MYO9A: variants seen among roughly 807,000 people sequenced by gnomAD.
The protein encoded by MYO9A is myosin IXA.
MYO9A carries 103 observed loss-of-function variants against 293.3 expected under a neutral mutation model. The observed-to-expected ratio is 0.35, with a 90% CI of 0.30 to 0.41. The LOEUF (loss-of-function observed/expected upper bound fraction) is 0.41, where lower values mean the gene tolerates loss of function less well. MYO9A is among the 10% of genes least tolerant of loss of function. MYO9A has a pLI of 1.00. For synonymous variants in MYO9A, 1,001 were observed against 1,035.7 expected (o/e 0.97, Z 0.64); for missense variants, 2,685 against 3,033.0 (o/e 0.89, Z 2.69).
chr15:72,026,070 G>A (rs1461876279), intron 4 of MYO9A, among the ~76,000 whole-genome samples: 2 of 151,618 alleles, frequency 1.3e-5, no homozygotes, highest in South Asian at 2.1e-4. Flanking sequence ...TCAGGAGATC[G>A]AGACCATCCT....
At position 72,018,945 on chromosome 15, in the gene MYO9A, A is replaced by G. The variant is rs561800184; in HGVS notation, c.1155+94T>C. The G allele has an allele frequency of 1.7e-5, 16 of 930,240 alleles. No individual in the cohort carries two copies. In the East Asian group the frequency reaches 2.7e-4, roughly 16 times the overall value. 57.6% of individuals were successfully genotyped at this position (930,240 alleles called of 1,614,324 possible). On this transcript the variant is annotated intron_variant, in intron 6 of 41. Transcript: ENST00000356056. The stretch of plus-strand genomic sequence containing the variant: ...TCCTTCCTAGGATTCTTTGTATTTC[A>G]GCTGATTTGCATTCTAAATCTTCAG...
At chr15:72,044,736 A>G (rs1054009989) in intron 2 of MYO9A, among the ~76,000 whole-genome samples, 1 of 152,226 alleles carries the variant, frequency 6.6e-6, no homozygotes, top group Non-Finnish European at 1.5e-5. Context: ...ACAAGTTTCG[A>G]TGCTAGGCAC....
At chr15:72,098,956 AC>A (rs975924487) in intron 1 of MYO9A, among the ~76,000 whole-genome samples, 3 of 152,014 alleles carry the variant, frequency 2.0e-5, no homozygotes, top group African/African-American at 7.2e-5. Flanking sequence ...AAAAAAAAAA[AC>A]AACTATAAAT....
In MYO9A at chr15:71,851,298, C is replaced by G; in HGVS notation, c.6536G>C (p.Arg2179Pro). Residue 2179 changes from arginine to proline, a missense_variant, in exon 37 of 42, where the codon CGA (arginine) becomes CCA (proline). Arg to Pro is a moderately radical substitution (Grantham distance 103). Transcript: ENST00000356056. ...GCGTTCCAGTGTATTGAGATGAGTT[C>G]GGGAGAGTTGATCAATCACAGAGTA... ...GVYSVIDQLS[R>P]THLNTLERLI... 1.2e-6 allele frequency: 2 copies of G among 1,613,982 alleles called. No individual in the cohort carries two copies. Among genetic ancestry groups the G allele is most frequent in the South Asian group, 2.2e-5 (2 of 91,042 alleles).
At chr15:72,033,644 T>C (rs1019166283) in intron 2 of MYO9A, among the ~76,000 whole-genome samples, 2 of 152,164 alleles carry the variant, frequency 1.3e-5, no homozygotes, top group Non-Finnish European at 2.9e-5. Flanking sequence ...CCGGGTGGAA[T>C]TGAGAAATAT....
At chr15:72,114,626 G>C (rs2080902741) in intron 1 of MYO9A, 1 of 152,196 alleles carries the variant, frequency 6.6e-6, no homozygotes, top group South Asian at 2.1e-4. Context: ...GGGGAAAAGA[G>C]GCAGGAAGAG....
At chr15:71,999,270 T>C (rs2076795875) in intron 9 of MYO9A, among the ~76,000 whole-genome samples, 1 of 151,836 alleles carries the variant, frequency 6.6e-6, no homozygotes, top group South Asian at 2.1e-4. Context: ...TTCCTGCCCC[T>C]ATAGATCTGA....
rs74687859 is a variant in MYO9A, at chr15:71,899,958, C to T, written c.3199G>A (p.Val1067Met). 2,983 of 1,613,680 alleles carry T rather than the reference C, an allele frequency of 1.8e-3. 40 individuals are homozygous for T. In the African/African-American group the frequency reaches 0.034, roughly 18 times the overall value. The change falls in exon 24 of 42, where the codon GTG becomes ATG. Residue 1067 changes from valine (V) to methionine (M), a missense_variant. Physicochemically the swap from Val to Met is conservative, Grantham distance 21. Around this residue, in one of 10 missense-constraint regions of MYO9A, gnomAD observed 1,434 missense variants for 1,497.7 expected, o/e 0.96. Transcript: ENST00000356056. ...GCCATAACAAAAGCATCCTTCTGCA[C>T]AGCTGCATCTCTGACTTGCTTCTGA... ...LNQKQVRDAAVQKDAFVMASA... is the reference protein window; with the variant it reads ...LNQKQVRDAAMQKDAFVMASA...
In MYO9A at chr15:71,991,169, G is replaced by A. The variant is rs746805072; in HGVS notation, c.1656C>T (p.Phe552=). Residue 552 remains phenylalanine, a synonymous_variant, in exon 11 of 42, where the codon TTC becomes TTT. Transcript: ENST00000356056. The stretch of plus-strand genomic sequence containing the variant: ...AACGTTCATTAGCAAAATTAATACA[G>A]AACTGTTCAAAGCTGTTATTTTCAT... ...EDYENNSFEQ[F]CINFANERLQ... is the part of the protein sequence containing the mutation. The A allele has an allele frequency of 6.2e-7, 1 of 1,608,516 alleles. No individual in the cohort carries two copies. Among genetic ancestry groups the A allele is most frequent in the South Asian group, 1.1e-5 (1 of 90,026 alleles).
chr15:72,080,441 C>T (rs925339247), intron 1 of MYO9A, among the ~76,000 whole-genome samples: 2 of 151,040 alleles, frequency 1.3e-5, no homozygotes, highest in Non-Finnish European at 2.9e-5. Context: ...CAGCAATTAG[C>T]CTAGGAGAGA....
intron 1 of MYO9A, among the ~76,000 whole-genome samples, chr15:72,086,465 A>G (rs959478323): frequency 1.3e-5 from 2 of 152,058 alleles, no homozygotes; most frequent in Non-Finnish European, 2.9e-5. Flanking sequence ...GCAGGGCTGA[A>G]AGGCTCTGTG....
intron 1 of MYO9A, among the ~76,000 whole-genome samples, chr15:72,099,673 G>A (rs1262321897): frequency 2.0e-5 from 3 of 151,814 alleles, no homozygotes; most frequent in African/African-American, 7.3e-5. Flanking sequence ...GAGGCTGAGC[G>A]GGTGGATCAC....
intron 16 of MYO9A, among the ~76,000 whole-genome samples, chr15:71,937,286 T>C (rs1004025087): frequency 1.3e-4 from 20 of 152,114 alleles, no homozygotes; most frequent in South Asian, 4.1e-4. Flanking sequence ...TCAAACAGCA[T>C]TGGATGCTAC....
At chr15:71,893,181 C>T (rs1409877320) in intron 26 of MYO9A, 3 of 1,265,926 alleles carry the variant, frequency 2.4e-6, no homozygotes, top group Non-Finnish European at 3.1e-6. Flanking sequence ...TGGCAACCTG[C>T]TTGACCAAAT....
chr15:72,067,209 G>A (rs2079048186), intron 1 of MYO9A, among the ~76,000 whole-genome samples: 1 of 149,700 alleles, frequency 6.7e-6, no homozygotes, highest in African/African-American at 2.4e-5. Context: ...AATTAAGACT[G>A]TCTCAACATT....
At chr15:72,010,311 T>A in intron 7 of MYO9A, 39 bp downstream of exon 7, 1 of 1,532,150 alleles carries the variant, frequency 6.5e-7, no homozygotes, top group South Asian at 1.2e-5. Flanking sequence ...TATCATGTGT[T>A]CTCTATTAGA....
chr15:71,883,521 A>G (rs2056934462), intron 28 of MYO9A, 73 bp downstream of exon 28: 3 of 1,489,994 alleles, frequency 2.0e-6, no homozygotes, highest in African/African-American at 2.8e-5. Flanking sequence ...TATGAATACT[A>G]CAGGAATAGC....
At chr15:71,991,034 AATT>A in intron 11 of MYO9A, 66 bp downstream of exon 11, 1 of 1,312,396 alleles carries the variant, frequency 7.6e-7, no homozygotes, top group Non-Finnish European at 1.0e-6. Context: ...AAATGAAGTG[AATT>A]ATTATGAATA....
intron 1 of MYO9A, among the ~76,000 whole-genome samples, chr15:72,071,870 CTGAG>C (rs2079201454): frequency 6.6e-6 from 1 of 152,110 alleles, no homozygotes. Flanking sequence ...AATCCCACTA[CTGAG>C]TATCTACCCA....
Sources: allele counts gnomAD v4.1 joint callset (sites outside exome capture counted in the v4.1 genomes callset), GRCh38; gene constraint gnomAD v4.1.1; regional missense constraint gnomAD v4.1.1; transcripts MANE v1.5; gene names NCBI Gene and HGNC (gene_info 2026-07-23, HGNC 2026-07-21).